LRRC37A2: variants seen among roughly 807,000 people sequenced by gnomAD.
LRRC37A2 encodes the protein leucine-rich repeat-containing protein 37A2.
Under a neutral mutation model 68.8 loss-of-function variants are expected in LRRC37A2, and 9 were observed. The ratio of observed to expected loss-of-function variants is 0.13; its 90% confidence interval spans 0.08 to 0.23. The LOEUF (loss-of-function observed/expected upper bound fraction) is 0.23. Among genes scored for constraint, LRRC37A2 ranks in the 10% least tolerant of loss-of-function variants. The pLI is 1.00. For synonymous variants in LRRC37A2, 63 were observed against 367.6 expected, an observed-to-expected ratio of 0.17 and a Z score of 9.48; for missense variants, 168 against 950.4, an observed-to-expected ratio of 0.18 and a Z score of 10.82.
chr17:46,956,814 T>A, the LRRC37A2 span, among the ~76,000 whole-genome samples: 1 of 152,126 alleles, frequency 6.6e-6, no homozygotes, highest in Non-Finnish European at 1.5e-5. Flanking sequence ...TGCCCTGCCT[T>A]TGAGTCCCCT....
At chr17:46,802,526 C>A in the LRRC37A2 span, among the ~76,000 whole-genome samples, 178 of 152,294 alleles carry the variant, frequency 1.2e-3, 1 homozygote, top group Middle Eastern at 6.8e-3. Context: ...CCTCGGCCTC[C>A]CAAAGTGCTG....
At chr17:46,783,216 G>C in the LRRC37A2 span, among the ~76,000 whole-genome samples, 1 of 152,220 alleles carries the variant, frequency 6.6e-6, no homozygotes, top group African/African-American at 2.4e-5. Context: ...AAGGTCTTGA[G>C]ATAAAACCAT....
the LRRC37A2 span, among the ~76,000 whole-genome samples, chr17:46,830,320 C>T: frequency 7.2e-5 from 11 of 152,168 alleles, no homozygotes; most frequent in East Asian, 1.9e-4. Flanking sequence ...GGCACAAACA[C>T]GGCTTACTGC....
At chr17:46,935,727 G>A in the LRRC37A2 span, 1 of 988,100 alleles carries the variant, frequency 1.0e-6, no homozygotes, top group Non-Finnish European at 1.2e-6. Context: ...TCACTCCCTA[G>A]CCTTAGGTAT....
chr17:46,945,997 T>TGAG, the LRRC37A2 span, among the ~76,000 whole-genome samples: 1 of 152,098 alleles, frequency 6.6e-6, no homozygotes, highest in Non-Finnish European at 1.5e-5. Context: ...GGGCAGCCTC[T>TGAG]CTTACCTCAA....
chr17:46,735,387 G>A, the LRRC37A2 span, among the ~76,000 whole-genome samples: 9 of 151,722 alleles, frequency 5.9e-5, no homozygotes, highest in African/African-American at 2.2e-4. Context: ...TTATAACGTC[G>A]TAGTAGTCCA....
the LRRC37A2 span, among the ~76,000 whole-genome samples, chr17:46,709,206 T>G: frequency 2.0e-5 from 3 of 152,166 alleles, no homozygotes; most frequent in African/African-American, 7.2e-5. Flanking sequence ...TGTCTTTTTA[T>G]TACTATTGTG....
chr17:46,937,322 T>C, the LRRC37A2 span: 2 of 152,234 alleles, frequency 1.3e-5, no homozygotes, highest in Admixed American at 6.5e-5. Context: ...TCAAAGATTG[T>C]ACTCTACAAA....
At chr17:46,876,900 TCAACAAAG>T in the LRRC37A2 span, 29 of 1,370,122 alleles carry the variant, frequency 2.1e-5, no homozygotes, top group East Asian at 5.3e-4. Context: ...CCCTCGATAC[TCAACAAAG>T]AGAAGCAAAG....
the LRRC37A2 span, among the ~76,000 whole-genome samples, chr17:46,599,035 T>C: frequency 6.9e-5 from 6 of 86,496 alleles, no homozygotes; most frequent in East Asian, 1.5e-3. Context: ...AGCTTCTTCT[T>C]TCTGAAACCC....
At chr17:46,830,181 C>T in the LRRC37A2 span, among the ~76,000 whole-genome samples, 1 of 152,162 alleles carries the variant, frequency 6.6e-6, no homozygotes, top group East Asian at 1.9e-4. Context: ...CTTTGCCTAC[C>T]ATAGCCTCCC....
At chr17:46,635,777 A>ATGTATGTG in the LRRC37A2 span, among the ~76,000 whole-genome samples, 1 of 116,704 alleles carries the variant, frequency 8.6e-6, no homozygotes, top group Admixed American at 8.7e-5. Flanking sequence ...GGGAAAATAA[A>ATGTATGTG]TGTGTGTGTG....
At chr17:46,726,447 C>T in the LRRC37A2 span, 2 of 1,021,920 alleles carry the variant, frequency 2.0e-6, no homozygotes. Flanking sequence ...TTGGTGTTTT[C>T]CTGTGCTTTG....
At chr17:46,521,110 A>C (rs1239119277) in intron 4 of LRRC37A2, among the ~76,000 whole-genome samples, 3 of 76,194 alleles carry the variant, frequency 3.9e-5, no homozygotes, top group African/African-American at 1.2e-4. Flanking sequence ...CTCTTCACTA[A>C]TTACAAAATA....
chr17:46,777,710 G>A, the LRRC37A2 span, among the ~76,000 whole-genome samples: 2 of 152,206 alleles, frequency 1.3e-5, no homozygotes, highest in African/African-American at 2.4e-5. Context: ...CTGGGAGGTG[G>A]GCATTGTTAT....
At chr17:46,762,217 A>G in the LRRC37A2 span, among the ~76,000 whole-genome samples, 1 of 152,244 alleles carries the variant, frequency 6.6e-6, no homozygotes, top group Non-Finnish European at 1.5e-5. Flanking sequence ...ACATTAATTT[A>G]TACATTGAAA....
chr17:46,853,120 G>A, the LRRC37A2 span, among the ~76,000 whole-genome samples: 1 of 152,140 alleles, frequency 6.6e-6, no homozygotes, highest in Non-Finnish European at 1.5e-5. Context: ...CAGGCTTGAA[G>A]GAATGGTTGT....
chr17:47,017,859 G>A, the LRRC37A2 span: 73,389 of 1,611,054 alleles, frequency 0.046, 1,938 homozygotes, highest in Non-Finnish European at 0.054. Context: ...TCTAGAGCCC[G>A]AAACTCAAAA....
the LRRC37A2 span, chr17:47,033,440 G>A: frequency 1.4e-6 from 1 of 690,822 alleles, no homozygotes. Flanking sequence ...GCGCATATTG[G>A]GTGAGGGTCT....
Sources: allele counts gnomAD v4.1 joint callset (sites outside exome capture counted in the v4.1 genomes callset), GRCh38; gene constraint gnomAD v4.1.1; transcripts MANE v1.5; gene names NCBI Gene and HGNC (gene_info 2026-07-23, HGNC 2026-07-21).